Variants in PPARGC1A observed in about 807,000 individuals in gnomAD.
PPARGC1A encodes peroxisome proliferator-activated receptor gamma coactivator 1-alpha.
PPARGC1A carries 25 observed loss-of-function variants against 88.7 expected under a neutral mutation model. The observed-to-expected ratio is 0.28, with a 90% CI of 0.21 to 0.39. The LOEUF is 0.39. Ranked by LOEUF, PPARGC1A falls within the 10% of genes least tolerant of loss-of-function variation. PPARGC1A has a pLI of 1.00. For synonymous variants in PPARGC1A, 363 were observed against 355.6 expected (o/e 1.02, Z -0.24); for missense variants, 880 against 968.7 (o/e 0.91, Z 1.22).
the PPARGC1A span, among the ~76,000 whole-genome samples, chr4:24,471,094 G>GGA: frequency 6.6e-6 from 1 of 151,496 alleles, no homozygotes; most frequent in Non-Finnish European, 1.5e-5. The surrounding 1 kb of genome is among the most constrained non-coding windows in gnomAD (Gnocchi z 5.4). Flanking sequence ...GGGCTCCGGA[G>GGA]GAGAGGCGCC....
the PPARGC1A span, among the ~76,000 whole-genome samples, chr4:24,103,778 G>A: frequency 6.6e-6 from 1 of 152,098 alleles, no homozygotes; most frequent in Admixed American, 6.5e-5. Context: ...AAAACAAGAG[G>A]AACTATCTCG....
chr4:24,322,506 G>T, the PPARGC1A span, among the ~76,000 whole-genome samples: 1 of 152,170 alleles, frequency 6.6e-6, no homozygotes, highest in Non-Finnish European at 1.5e-5. Flanking sequence ...AGAGAGAAAA[G>T]TACCTCTTGG....
At chr4:24,435,337 G>A in the PPARGC1A span, among the ~76,000 whole-genome samples, 44,619 of 152,110 alleles carry the variant, frequency 0.29, 6,846 homozygotes, top group Non-Finnish European at 0.32. Context: ...CTGCCCTCCA[G>A]TTGCACTGGC....
the PPARGC1A span, among the ~76,000 whole-genome samples, chr4:23,923,003 G>A: frequency 1.3e-5 from 2 of 152,094 alleles, no homozygotes; most frequent in African/African-American, 4.8e-5. Context: ...CTTTTCCCCA[G>A]GAGCTTTTGT....
At chr4:24,410,459 C>G in the PPARGC1A span, among the ~76,000 whole-genome samples, 1 of 152,168 alleles carries the variant, frequency 6.6e-6, no homozygotes, top group Non-Finnish European at 1.5e-5. Context: ...CCCGCAGACT[C>G]CTGCCCCCAC....
the PPARGC1A span, among the ~76,000 whole-genome samples, chr4:23,974,838 G>GTTTTTTTTTTTTT: frequency 1.9e-5 from 1 of 51,790 alleles, no homozygotes; most frequent in African/African-American, 6.8e-5. Flanking sequence ...GGTATTTTTA[G>GTTTTTTTTTTTTT]TAGAGAGGGG....
chr4:24,433,313 T>C, the PPARGC1A span, among the ~76,000 whole-genome samples: 1 of 152,166 alleles, frequency 6.6e-6, no homozygotes, highest in Non-Finnish European at 1.5e-5. Context: ...GATGACTTCA[T>C]TTAAATTTTT....
the PPARGC1A span, among the ~76,000 whole-genome samples, chr4:24,246,441 T>C: frequency 3.3e-5 from 5 of 152,016 alleles, no homozygotes; most frequent in African/African-American, 7.2e-5. Context: ...TTGGGCAACA[T>C]GGTGAAACCC....
chr4:23,814,685 CAT>C (rs1187287725), intron 7 of PPARGC1A, 80 bp from the exon 8 acceptor site: 11 of 1,268,956 alleles, frequency 8.7e-6, no homozygotes, highest in South Asian at 3.3e-5. Flanking sequence ...TGCGAAGACA[CAT>C]GTTTCTAATT....
At chr4:24,425,963 A>G in the PPARGC1A span, among the ~76,000 whole-genome samples, 1 of 152,256 alleles carries the variant, frequency 6.6e-6, no homozygotes, top group Admixed American at 6.5e-5. Context: ...TTATTTAACA[A>G]TAAATATTTC....
chr4:24,354,393 A>T, the PPARGC1A span, among the ~76,000 whole-genome samples: 1 of 152,218 alleles, frequency 6.6e-6, no homozygotes, highest in Non-Finnish European at 1.5e-5. Flanking sequence ...TGTGGGCATT[A>T]TTCTGACTAC....
intron 2 of PPARGC1A, among the ~76,000 whole-genome samples, chr4:23,862,223 T>G (rs764715599): frequency 2.0e-5 from 3 of 152,186 alleles, no homozygotes; most frequent in Non-Finnish European, 4.4e-5. Context: ...TAATACAAAA[T>G]CTACTTGGAC....
the PPARGC1A span, among the ~76,000 whole-genome samples, chr4:24,148,144 A>C: frequency 0.4 from 61,077 of 152,020 alleles, 14,273 homozygotes; most frequent in African/African-American, 0.65. Context: ...ATATTCTATA[A>C]CATTTCTCCC....
At chr4:23,978,047 G>T in the PPARGC1A span, among the ~76,000 whole-genome samples, 2 of 152,004 alleles carry the variant, frequency 1.3e-5, no homozygotes, top group Non-Finnish European at 2.9e-5. Context: ...GACTGCATTC[G>T]GATATGAGGG....
chr4:24,056,893 G>C, the PPARGC1A span, among the ~76,000 whole-genome samples: 92,208 of 151,968 alleles, frequency 0.61, 28,307 homozygotes, highest in Non-Finnish European at 0.65. Context: ...CAGCATGGTG[G>C]TTCCTCGAAA....
chr4:23,827,780 T>C (rs1724223072), intron 5 of PPARGC1A, among the ~76,000 whole-genome samples: 1 of 151,796 alleles, frequency 6.6e-6, no homozygotes, highest in Admixed American at 6.6e-5. Context: ...CAGAATAAAA[T>C]CTGTGAGCAT....
chr4:24,463,784 G>A, the PPARGC1A span, among the ~76,000 whole-genome samples: 1 of 151,782 alleles, frequency 6.6e-6, no homozygotes, highest in East Asian at 1.9e-4. Context: ...AATGGGAGTG[G>A]GAAAAAAAAG....
the PPARGC1A span, among the ~76,000 whole-genome samples, chr4:24,300,636 G>A: frequency 8.6e-5 from 13 of 151,812 alleles, no homozygotes; most frequent in Non-Finnish European, 1.8e-4. Context: ...TATTTATTAG[G>A]TAAATTGCCT....
chr4:24,371,285 G>C, the PPARGC1A span, among the ~76,000 whole-genome samples: 1 of 152,022 alleles, frequency 6.6e-6, no homozygotes, highest in South Asian at 2.1e-4. Context: ...ATAATCCTTT[G>C]GGTTCCCATA....
Sources: allele counts gnomAD v4.1 joint callset (sites outside exome capture counted in the v4.1 genomes callset), GRCh38; gene constraint gnomAD v4.1.1; non-coding constraint Gnocchi (gnomAD v3.1); transcripts MANE v1.5; gene names NCBI Gene and HGNC (gene_info 2026-07-23, HGNC 2026-07-21).